The following ZDHHC9 variants were observed in gnomAD, a reference collection of about 807,000 sequenced individuals.
ZDHHC9 encodes palmitoyltransferase ZDHHC9.
In ZDHHC9, 3 loss-of-function variants were observed where a neutral mutation model predicts 26.6. The ratio of observed to expected loss-of-function variants is 0.11; its 90% confidence interval spans 0.05 to 0.29. ZDHHC9 has a LOEUF of 0.29. ZDHHC9 is among the 10% of genes least tolerant of loss of function. The pLI, the probability that ZDHHC9 is intolerant of heterozygous loss-of-function variation, is 1.00. For missense variants in ZDHHC9, 146 were observed against 296.4 expected, an observed-to-expected ratio of 0.49 and a Z score of 3.73; for synonymous variants, 111 against 109.4, an observed-to-expected ratio of 1.01 and a Z score of -0.09.
intron 10 of ZDHHC9, among the ~76,000 whole-genome samples, chrX:129,806,929 G>C (rs1927529034): frequency 9.0e-6 from 1 of 111,636 alleles, no homozygotes; most frequent in South Asian, 3.7e-4. Flanking sequence ...TATGTGGTTT[G>C]AAAATGTCCC....
intron 4 of ZDHHC9, among the ~76,000 whole-genome samples, chrX:129,825,607 T>C (rs1266414823): frequency 9.0e-6 from 1 of 111,607 alleles, no homozygotes; most frequent in Non-Finnish European, 1.9e-5. Context: ...ATTTAGGTGA[T>C]GTTTCATGTA....
At chrX:129,812,868 G>A in intron 7 of ZDHHC9, 48 bp from the exon 8 acceptor site, 1 of 908,191 alleles carries the variant, frequency 1.1e-6, no homozygotes, top group Non-Finnish European at 1.6e-6. Flanking sequence ...CAGGAGACTT[G>A]ATGCCTCCGC....
chrX:129,823,793 G>A lies in ZDHHC9; in HGVS notation c.373C>T (p.Arg125Cys), dbSNP rs1177381912. 1 of 1,211,343 alleles carries A rather than the reference G, an allele frequency of 8.3e-7. No homozygotes were observed. The highest frequency in any genetic ancestry group is 1.1e-6 in the Non-Finnish European group (1 of 895,186). Residue 125 changes from arginine (R) to cysteine (C), a missense_variant, in exon 5 of 11, where the codon CGT becomes TGT. Transcript: ENST00000357166. ...AVPQGQRPPP[R>C]IKNFQINNQI... ...TTGTTTATCTGGAAATTCTTGATACGAGGCGGTGGTCGCTGGCCCTGGGGC... is the reference window on the plus strand; with the variant it reads ...TTGTTTATCTGGAAATTCTTGATACAAGGCGGTGGTCGCTGGCCCTGGGGC...
chrX:129,819,571 C>CA (rs1927836831), intron 5 of ZDHHC9, among the ~76,000 whole-genome samples: 1 of 111,721 alleles, frequency 9.0e-6, no homozygotes, highest in Admixed American at 9.6e-5. Context: ...TTTCTTTATA[C>CA]ATCATTAGAT....
chrX:129,831,875 G>T (rs1171705252), intron 3 of ZDHHC9, among the ~76,000 whole-genome samples: 1 of 110,655 alleles, frequency 9.0e-6, no homozygotes, highest in Non-Finnish European at 1.9e-5. Context: ...TACCCCCACC[G>T]GGGGTATTGG....
rs764474821 is a variant in ZDHHC9, at chrX:129,817,816, G to C, written c.488-3021C>G. Among the ~76,000 whole-genome samples, 9 of 110,266 alleles carry C rather than the reference G, an allele frequency of 8.2e-5. 1 individual carries two copies. The highest frequency in any genetic ancestry group is 3.0e-4 in the African/African-American group (9 of 30,286). On this transcript the variant is annotated intron_variant, in intron 5 of 10. Coordinates refer to ENST00000357166, the MANE Select transcript of ZDHHC9 (RefSeq NM_016032.4). ...AGTACTGTATTCCTTTTTATGACTGGATAATATTCCACCGTATGTACATAC... is the reference window on the plus strand; with the variant it reads ...AGTACTGTATTCCTTTTTATGACTGCATAATATTCCACCGTATGTACATAC...
intron 3 of ZDHHC9, among the ~76,000 whole-genome samples, chrX:129,839,904 T>C (rs992920506): frequency 2.7e-5 from 3 of 111,653 alleles, no homozygotes; most frequent in Non-Finnish European, 5.6e-5. Flanking sequence ...TATTTAGTCT[T>C]TCACACAGAC....
At chrX:129,816,999 C>T (rs934423221) in intron 5 of ZDHHC9, among the ~76,000 whole-genome samples, 8 of 110,430 alleles carry the variant, frequency 7.2e-5, no homozygotes, top group Admixed American at 9.7e-5. Flanking sequence ...ATCAGCTGCC[C>T]GAGTAGCTGG....
chrX:129,806,823 A>C (rs1927526754), intron 10 of ZDHHC9, among the ~76,000 whole-genome samples: 1 of 112,018 alleles, frequency 8.9e-6, no homozygotes, highest in Non-Finnish European at 1.9e-5. Flanking sequence ...GGCCTGACCC[A>C]ATGGTCCTCA....
intron 9 of ZDHHC9, 124 bp from the exon 10 acceptor site, chrX:129,811,125 A>G: frequency 1.7e-6 from 1 of 572,788 alleles, no homozygotes; most frequent in Non-Finnish European, 3.0e-6. Flanking sequence ...GCCTGAACAC[A>G]GCACATGCCT....
chrX:129,839,781 C>T (rs1328720314), intron 3 of ZDHHC9, among the ~76,000 whole-genome samples: 2 of 110,824 alleles, frequency 1.8e-5, no homozygotes, highest in Non-Finnish European at 3.8e-5. Context: ...TCACCAGGGT[C>T]CTCTCCTCTG....
chrX:129,809,028 C>T (rs1244752607), intron 10 of ZDHHC9, among the ~76,000 whole-genome samples: 1 of 112,338 alleles, frequency 8.9e-6, no homozygotes, highest in Non-Finnish European at 1.9e-5. Flanking sequence ...TACCACTTCA[C>T]ATTCACTAAG....
chrX:129,813,603 G>C (rs1421200978), intron 7 of ZDHHC9, 74 bp downstream of exon 7: 14 of 1,024,377 alleles, frequency 1.4e-5, no homozygotes, highest in Non-Finnish European at 1.8e-5. Context: ...GATAGTGGGA[G>C]AACTGTGGGG....
At chrX:129,813,008 C>G in intron 7 of ZDHHC9, among the ~76,000 whole-genome samples, 188 bp from the exon 8 acceptor site, 1 of 112,126 alleles carries the variant, frequency 8.9e-6, no homozygotes, top group Non-Finnish European at 1.9e-5. Context: ...GAATTTCTAG[C>G]GTATCTAGGG....
At chrX:129,834,776 G>A (rs1336162044) in intron 3 of ZDHHC9, among the ~76,000 whole-genome samples, 2 of 111,615 alleles carry the variant, frequency 1.8e-5, no homozygotes, top group Non-Finnish European at 3.8e-5. Context: ...CATCATAGGG[G>A]CCCTGTCTTC....
At chrX:129,811,119 G>A (rs1050118453) in intron 9 of ZDHHC9, 118 bp from the exon 10 acceptor site, 1 of 608,195 alleles carries the variant, frequency 1.6e-6, no homozygotes, top group African/African-American at 2.2e-5. Context: ...AATCTAGCCT[G>A]AACACAGCAC....
At position 129,812,709 on chromosome X, in the gene ZDHHC9, T is replaced by A; in HGVS notation, c.777+9A>T. ...AATATGTGGTGAGGAGAAGAGAAAG[T>A]TGACTCACGTCTTCATTGGTTGTCT... On this transcript the variant is annotated intron_variant, in intron 8 of 10. Transcript: ENST00000357166. 1 of 1,190,451 alleles carries A rather than the reference T, an allele frequency of 8.4e-7. No homozygotes were observed. Among genetic ancestry groups the A allele is most frequent in the Non-Finnish European group, 1.1e-6 (1 of 876,214 alleles).
intron 5 of ZDHHC9, among the ~76,000 whole-genome samples, chrX:129,820,126 A>G (rs1006128857): frequency 8.9e-6 from 1 of 112,004 alleles, no homozygotes; most frequent in African/African-American, 3.2e-5. Context: ...TTCATGGGAC[A>G]GACTCCCTAG....
chrX:129,827,262 GGAA>G (rs1928036684), intron 4 of ZDHHC9, among the ~76,000 whole-genome samples: 1 of 85,121 alleles, frequency 1.2e-5, no homozygotes, highest in Admixed American at 1.4e-4. Flanking sequence ...AAGGAAGGAA[GGAA>G]GGAAGGGAGG....
Sources: gnomAD v4.1 joint callset for allele counts (sites outside exome capture counted in the v4.1 genomes callset) on GRCh38, gnomAD v4.1.1 for gene constraint, MANE v1.5 for transcripts, NCBI Gene and HGNC (gene_info 2026-07-23, HGNC 2026-07-21) for gene names.